Variants in RAI1 observed in about 807,000 individuals in gnomAD.
The protein encoded by RAI1 is retinoic acid induced 1, also known as retinoic acid-induced protein 1.
Under a neutral mutation model 123.8 loss-of-function variants are expected in RAI1, and 9 were observed. That is an observed-to-expected ratio of 0.07 (90% CI 0.04 to 0.13). The LOEUF is 0.13. Among genes scored for constraint, RAI1 ranks in the 10% least tolerant of loss-of-function variants. RAI1 has a pLI of 1.00. For missense variants in RAI1, 2,256 were observed against 2,545.8 expected (o/e 0.89, Z 2.45); for synonymous variants, 1,231 against 1,127.3 (o/e 1.09, Z -1.84).
Position 17,809,921 on chromosome 17 carries a change from C to CT in RAI1, c.5710-48dup, listed in dbSNP as rs975291182. 2 of 1,555,854 alleles carry CT rather than the reference C, an allele frequency of 1.3e-6. No homozygotes were observed. The highest frequency in any genetic ancestry group is 2.7e-5 in the African/African-American group (2 of 73,536). ...CCACACTGGGGGCGGGGCCTATGGACTGTGAAGTCCGAGGTCGTCGGTAAC... is the reference window on the plus strand; with the variant it reads ...CCACACTGGGGGCGGGGCCTATGGACTTGTGAAGTCCGAGGTCGTCGGTAAC... On this transcript the variant is annotated intron_variant, in intron 5 of 5. Coordinates refer to ENST00000353383, the MANE Select transcript of RAI1 (RefSeq NM_030665.4). This position sits in a 1 kb window ranked among gnomAD's most constrained non-coding sequence, Gnocchi z 4.9.
At chr17:17,706,165 A>C (rs377715892) in intron 1 of RAI1, among the ~76,000 whole-genome samples, 1 of 151,986 alleles carries the variant, frequency 6.6e-6, no homozygotes, top group Non-Finnish European at 1.5e-5. Context: ...AGAGGTCAGC[A>C]GCCCTATGGG....
intron 1 of RAI1, among the ~76,000 whole-genome samples, chr17:17,682,867 C>G (rs1465085149): frequency 6.6e-6 from 1 of 151,952 alleles, no homozygotes. Context: ...CGGCGGGCCT[C>G]GGGCTCTGAA....
intron 1 of RAI1, among the ~76,000 whole-genome samples, chr17:17,717,233 G>GC (rs1017252667): frequency 6.6e-6 from 1 of 152,182 alleles, no homozygotes; most frequent in Non-Finnish European, 1.5e-5. Context: ...ACTGTCCCCA[G>GC]CCCCTTGGTG....
chr17:17,805,283 GA>G (rs1332529972), intron 4 of RAI1, among the ~76,000 whole-genome samples: 1 of 152,134 alleles, frequency 6.6e-6, no homozygotes, highest in Non-Finnish European at 1.5e-5. Flanking sequence ...GGAGGAGAGT[GA>G]AATAATGAAC....
At position 17,712,506 on chromosome 17, in the gene RAI1, G is replaced by A. The variant is rs576530503; in HGVS notation, c.-148-11522G>A. Among the ~76,000 whole-genome samples, 3 of 152,342 alleles carry A rather than the reference G, an allele frequency of 2.0e-5. No homozygotes were observed. The East Asian group carries it at 5.8e-4, about 29-fold the overall frequency. The stretch of plus-strand genomic sequence containing the variant: ...TAGGTCAAATGGCATAGGAGACTGT[G>A]GGCTGTGGTATAAGCTTGGTTTTAA... On this transcript the variant is annotated intron_variant, in intron 1 of 5. Coordinates refer to ENST00000353383, the MANE Select transcript of RAI1 (RefSeq NM_030665.4).
chr17:17,755,431 C>T lies in RAI1; in HGVS notation c.-17+31272C>T, dbSNP rs547553899. Among the ~76,000 whole-genome samples the T allele has an allele frequency of 2.0e-5, 3 of 152,308 alleles. No homozygotes were observed. In the East Asian group the frequency reaches 5.8e-4, roughly 29 times the overall value. ...ACTTGGCAGGGTGAGTTGGCATTCC[C>T]TGTTTGCCACGACCTTGGGGTCACC... On this transcript the variant is annotated intron_variant, in intron 2 of 5. Coordinates refer to ENST00000353383, the MANE Select transcript of RAI1 (RefSeq NM_030665.4).
At chr17:17,698,254 TTCTGGGTGG>T (rs1457567351) in intron 1 of RAI1, among the ~76,000 whole-genome samples, 4 of 152,218 alleles carry the variant, frequency 2.6e-5, no homozygotes, top group Non-Finnish European at 4.4e-5. Context: ...ACACACGGGC[TTCTGGGTGG>T]CTCATGGCAG....
chr17:17,810,026 C>T lies in RAI1; in HGVS notation c.*45C>T. The T allele has an allele frequency of 6.5e-7, 1 of 1,542,836 alleles. No homozygotes were observed. The highest frequency in any genetic ancestry group is 8.7e-7 in the Non-Finnish European group (1 of 1,144,466). On this transcript the variant is annotated 3_prime_UTR_variant, in exon 6 of 6. Coordinates refer to ENST00000353383, the MANE Select transcript of RAI1 (RefSeq NM_030665.4). This position sits in a 1 kb window ranked among gnomAD's most constrained non-coding sequence, Gnocchi z 4.6. The stretch of plus-strand genomic sequence containing the variant: ...GAGGAGCCGCCGGAGCCCGCCTGCC[C>T]GCCCGCCGCCGAAGGAGAGGAGCCG...
intron 2 of RAI1, among the ~76,000 whole-genome samples, chr17:17,758,057 C>T (rs1018612509): frequency 5.3e-5 from 8 of 152,204 alleles, no homozygotes; most frequent in African/African-American, 1.7e-4. Flanking sequence ...ATAAATCAAA[C>T]GGCTTAGAAC....
chr17:17,791,617 G>A (rs1030613946), intron 2 of RAI1, among the ~76,000 whole-genome samples: 9 of 152,206 alleles, frequency 5.9e-5, no homozygotes, highest in African/African-American at 1.7e-4. Flanking sequence ...CACACAGGCC[G>A]AGCTGAGCCC....
chr17:17,737,548 A>T (rs1916474682), intron 2 of RAI1, among the ~76,000 whole-genome samples: 1 of 152,194 alleles, frequency 6.6e-6, no homozygotes, highest in African/African-American at 2.4e-5. Flanking sequence ...CCACAGGGAT[A>T]GGCAGTGACT....
chr17:17,804,207 A>G, intron 4 of RAI1: 1 of 354,894 alleles, frequency 2.8e-6, no homozygotes, highest in Non-Finnish European at 5.4e-6. Context: ...TTTGAAGGAT[A>G]AATAGGAGTT....
chr17:17,798,602 A>G, intron 3 of RAI1, 89 bp downstream of exon 3: 5 of 1,556,742 alleles, frequency 3.2e-6, no homozygotes, highest in East Asian at 4.7e-5. Context: ...TTCTAGTGCT[A>G]CAGTGTGGGC....
chr17:17,782,804 C>T (rs925343557), intron 2 of RAI1, among the ~76,000 whole-genome samples: 8 of 152,166 alleles, frequency 5.3e-5, no homozygotes, highest in African/African-American at 1.7e-4. Flanking sequence ...GTCGAGGCTG[C>T]TCAGGGCGCC....
At chr17:17,765,064 C>G (rs980137444) in intron 2 of RAI1, among the ~76,000 whole-genome samples, 5 of 152,148 alleles carry the variant, frequency 3.3e-5, no homozygotes, top group African/African-American at 1.2e-4. Flanking sequence ...GCCTGTATTC[C>G]CAGCACTTTG....
At chr17:17,754,711 G>A (rs2030362546) in intron 2 of RAI1, among the ~76,000 whole-genome samples, 1 of 152,212 alleles carries the variant, frequency 6.6e-6, no homozygotes, top group South Asian at 2.1e-4. Flanking sequence ...TTCAGTTCCT[G>A]GTACTCCAGA....
intron 1 of RAI1, among the ~76,000 whole-genome samples, chr17:17,697,225 G>T (rs1915069182): frequency 2.0e-5 from 3 of 152,248 alleles, no homozygotes; most frequent in Admixed American, 1.3e-4. Context: ...GGAAAAAGCT[G>T]AAGAGACAAG....
intron 2 of RAI1, among the ~76,000 whole-genome samples, chr17:17,741,120 C>T (rs561072988): frequency 2.6e-5 from 4 of 152,100 alleles, no homozygotes; most frequent in Admixed American, 6.5e-5. Flanking sequence ...CACTCGCGCA[C>T]GCACACACGC....
intron 2 of RAI1, among the ~76,000 whole-genome samples, chr17:17,768,686 A>G (rs2031030463): frequency 6.6e-6 from 1 of 152,254 alleles, no homozygotes; most frequent in Non-Finnish European, 1.5e-5. Context: ...GCTGACCTGC[A>G]GCCAGACACA....
Sources: allele counts gnomAD v4.1 joint callset (sites outside exome capture counted in the v4.1 genomes callset), GRCh38; gene constraint gnomAD v4.1.1; non-coding constraint Gnocchi (gnomAD v3.1); transcripts MANE v1.5; gene names NCBI Gene and HGNC (gene_info 2026-07-23, HGNC 2026-07-21).